IMMP2L: variants seen among roughly 807,000 people sequenced by gnomAD.
IMMP2L encodes the protein mitochondrial inner membrane protease subunit 2.
A neutral mutation model predicts 19.3 loss-of-function variants in IMMP2L; 18 were observed. That is an observed-to-expected ratio of 0.93 (90% CI 0.64 to 1.38). IMMP2L has a LOEUF of 1.38. Ranked by LOEUF, IMMP2L falls within the 40% of genes most tolerant of loss-of-function variation. The pLI, the probability that IMMP2L is intolerant of heterozygous loss-of-function variation, is 0.00. For synonymous variants in IMMP2L, 76 were observed against 73.0 expected, an observed-to-expected ratio of 1.04 and a Z score of -0.21; for missense variants, 233 against 218.2, an observed-to-expected ratio of 1.07 and a Z score of -0.43.
chr7:110,902,011 C>T (rs78905036), intron 4 of IMMP2L, among the ~76,000 whole-genome samples: 8,135 of 151,994 alleles, frequency 0.054, 721 homozygotes, highest in African/African-American at 0.18. Context: ...TATTGAAAGA[C>T]ACAGTATTTG....
intron 4 of IMMP2L, among the ~76,000 whole-genome samples, chr7:110,889,971 G>T (rs927327022): frequency 5.3e-5 from 8 of 152,174 alleles, no homozygotes; most frequent in Admixed American, 5.2e-4. Context: ...TGTATAGTCA[G>T]AACCCAATAA....
chr7:110,663,863 T>C, intron 5 of IMMP2L, 142 bp from the exon 6 acceptor site: 1 of 540,246 alleles, frequency 1.9e-6, no homozygotes, highest in South Asian at 3.1e-5. Context: ...TAAACACCTT[T>C]TGTAGCCATT....
intron 5 of IMMP2L, among the ~76,000 whole-genome samples, chr7:110,858,421 G>C (rs369430905): frequency 1.3e-5 from 2 of 151,924 alleles, no homozygotes; most frequent in Non-Finnish European, 2.9e-5. Context: ...ACTAGCAGAG[G>C]GGGAGGGGGA....
At position 111,196,389 on chromosome 7, in the gene IMMP2L, T is replaced by C. The variant is rs114129093; in HGVS notation, c.240-232824A>G. 4.1e-3 allele frequency among the ~76,000 whole-genome samples: 620 copies of C among 152,204 alleles called. 7 individuals carry two copies. The highest frequency in any genetic ancestry group is 0.014 in the African/African-American group (599 of 41,502). On this transcript the variant is annotated intron_variant, in intron 3 of 5. Transcript: ENST00000405709. ...AAATCAAACTAGAAAAAAAAATTAT[T>C]CAATGAAGTGACCCATTCATCACTA...
chr7:111,376,212 GTT>G (rs1260328521), intron 3 of IMMP2L, among the ~76,000 whole-genome samples: 1 of 151,922 alleles, frequency 6.6e-6, no homozygotes, highest in Non-Finnish European at 1.5e-5. Flanking sequence ...AATCTGACAA[GTT>G]TTTTGGTAAA....
At chr7:111,056,168 ATTG>A (rs1326557168) in intron 3 of IMMP2L, among the ~76,000 whole-genome samples, 1 of 152,256 alleles carries the variant, frequency 6.6e-6, no homozygotes, top group East Asian at 1.9e-4. Flanking sequence ...CATTTAATAG[ATTG>A]TTATTAATGA....
intron 5 of IMMP2L, among the ~76,000 whole-genome samples, chr7:110,884,669 C>G (rs1011631419): frequency 6.6e-6 from 1 of 152,030 alleles, no homozygotes; most frequent in African/African-American, 2.4e-5. Flanking sequence ...TTTAGGTAAT[C>G]TTTTTCACTT....
At chr7:111,552,150 A>C (rs923185731) in intron 1 of IMMP2L, among the ~76,000 whole-genome samples, 4 of 152,176 alleles carry the variant, frequency 2.6e-5, no homozygotes, top group African/African-American at 9.7e-5. Flanking sequence ...AGAATTCTTG[A>C]ATATAAAGTA....
At chr7:111,124,435 A>G (rs1361569742) in intron 3 of IMMP2L, 1 of 1,613,750 alleles carries the variant, frequency 6.2e-7, no homozygotes, top group Non-Finnish European at 8.5e-7. Context: ...TGTTAAATGG[A>G]CAGCCTTTGT....
intron 3 of IMMP2L, among the ~76,000 whole-genome samples, chr7:111,047,743 G>A (rs1014965826): frequency 2.0e-5 from 3 of 152,094 alleles, no homozygotes; most frequent in Non-Finnish European, 4.4e-5. Context: ...AGAGATTAAG[G>A]TGGTGGCTAG....
intron 3 of IMMP2L, among the ~76,000 whole-genome samples, chr7:111,009,888 T>G (rs978918753): frequency 9.2e-5 from 14 of 152,146 alleles, no homozygotes; most frequent in African/African-American, 3.4e-4. Flanking sequence ...TGAACCTTGT[T>G]TGTGTTCTGT....
intron 3 of IMMP2L, among the ~76,000 whole-genome samples, chr7:111,420,016 C>T (rs1200364500): frequency 6.6e-6 from 1 of 151,694 alleles, no homozygotes; most frequent in Non-Finnish European, 1.5e-5. Context: ...GATGGCTGCA[C>T]CTGCACCACA....
intron 3 of IMMP2L, among the ~76,000 whole-genome samples, chr7:111,439,456 GTCACACGAA>G (rs1160732240): frequency 1.3e-5 from 2 of 151,888 alleles, no homozygotes; most frequent in Non-Finnish European, 2.9e-5. Flanking sequence ...AATAAAGTGA[GTCACACGAA>G]TTTTTTGGTT....
chr7:111,084,637 G>A (rs1480317046), intron 3 of IMMP2L, among the ~76,000 whole-genome samples: 1 of 152,170 alleles, frequency 6.6e-6, no homozygotes, highest in Non-Finnish European at 1.5e-5. Flanking sequence ...TTAAGAGGTA[G>A]ATGAACCCAC....
At chr7:111,268,467 T>C (rs1321507258) in intron 3 of IMMP2L, among the ~76,000 whole-genome samples, 2 of 147,616 alleles carry the variant, frequency 1.4e-5, no homozygotes, top group East Asian at 3.9e-4. Flanking sequence ...TCAAAAATTT[T>C]GTTTTTGTCG....
chr7:111,291,716 T>C (rs1584481110), intron 3 of IMMP2L, among the ~76,000 whole-genome samples: 4 of 152,218 alleles, frequency 2.6e-5, no homozygotes, highest in South Asian at 2.1e-4. Context: ...TAATAATGCA[T>C]TGCATATTTC....
chr7:111,061,529 A>T (rs1794013820), intron 3 of IMMP2L, among the ~76,000 whole-genome samples: 1 of 151,948 alleles, frequency 6.6e-6, no homozygotes, highest in African/African-American at 2.4e-5. Context: ...TTAATACTCA[A>T]TTCCTCTCTC....
At position 111,533,289 on chromosome 7, in the gene IMMP2L, G is replaced by C. The variant is rs572099559; in HGVS notation, c.-2-11840C>G. Among the ~76,000 whole-genome samples, 8 of 152,200 alleles carry C rather than the reference G, an allele frequency of 5.3e-5. No homozygotes were observed. The East Asian group carries it at 1.5e-3, about 29-fold the overall frequency. On this transcript the variant is annotated intron_variant, in intron 1 of 5. Coordinates refer to ENST00000405709, the MANE Select transcript of IMMP2L (RefSeq NM_032549.4). ...ATTATTCTCCACTCTTATATGCCTT[G>C]TTTTGATTTCTGCATACTTGCCTAT...
At chr7:110,876,656 T>C (rs1042214151) in intron 5 of IMMP2L, among the ~76,000 whole-genome samples, 1 of 152,158 alleles carries the variant, frequency 6.6e-6, no homozygotes, top group Non-Finnish European at 1.5e-5. Flanking sequence ...CTAAGGACTC[T>C]TATGAGTCAA....
Sources: allele counts gnomAD v4.1 joint callset (sites outside exome capture counted in the v4.1 genomes callset), GRCh38; gene constraint gnomAD v4.1.1; transcripts MANE v1.5; gene names NCBI Gene and HGNC (gene_info 2026-07-23, HGNC 2026-07-21).